BNC2: variants seen among roughly 807,000 people sequenced by gnomAD.
BNC2 encodes the protein basonuclin zinc finger protein 2, also known as zinc finger protein basonuclin-2.
Under a neutral mutation model 76.3 loss-of-function variants are expected in BNC2, and 20 were observed. The ratio of observed to expected loss-of-function variants is 0.26; its 90% CI spans 0.18 to 0.38. The LOEUF is 0.38. Ranked by LOEUF, BNC2 falls within the 10% of genes least tolerant of loss-of-function variation. The pLI is 1.00. For missense variants in BNC2, 1,382 were observed against 1,399.8 expected, an observed-to-expected ratio of 0.99 and a Z score of 0.20; for synonymous variants, 582 against 514.8, an observed-to-expected ratio of 1.13 and a Z score of -1.77.
At chr9:16,659,338 A>C (rs868003807) in intron 3 of BNC2, among the ~76,000 whole-genome samples, 1 of 152,076 alleles carries the variant, frequency 6.6e-6, no homozygotes, top group African/African-American at 2.4e-5. Context: ...TGCGGCGGGC[A>C]CAGTGGCTCA....
At chr9:16,728,433 A>C (rs573183750) in intron 2 of BNC2, among the ~76,000 whole-genome samples, 4 of 152,314 alleles carry the variant, frequency 2.6e-5, no homozygotes, top group Admixed American at 1.3e-4. Flanking sequence ...GGCAAGGGGA[A>C]GCTAGGGCCC....
At chr9:16,510,896 A>G (rs1822739357) in intron 5 of BNC2, among the ~76,000 whole-genome samples, 1 of 152,180 alleles carries the variant, frequency 6.6e-6, no homozygotes, top group South Asian at 2.1e-4. Context: ...TACATGGGCA[A>G]AATATTACAT....
intron 5 of BNC2, among the ~76,000 whole-genome samples, chr9:16,501,622 T>C (rs1278487956): frequency 1.3e-5 from 2 of 152,166 alleles, no homozygotes; most frequent in East Asian, 1.9e-4. Context: ...CTGCATAACA[T>C]AGAGTATTTC....
At chr9:16,809,601 G>C (rs1817996710) in intron 1 of BNC2, among the ~76,000 whole-genome samples, 1 of 151,990 alleles carries the variant, frequency 6.6e-6, no homozygotes, top group Non-Finnish European at 1.5e-5. Context: ...CCTGAACCAA[G>C]ACCGAATGCG....
intron 5 of BNC2, among the ~76,000 whole-genome samples, chr9:16,491,639 G>A (rs189807044): frequency 6.6e-6 from 1 of 152,280 alleles, no homozygotes; most frequent in Non-Finnish European, 1.5e-5. Context: ...CAATGAAAGA[G>A]GATGGAAATT....
At chr9:16,776,968 A>G (rs1825985300) in intron 1 of BNC2, among the ~76,000 whole-genome samples, 1 of 152,040 alleles carries the variant, frequency 6.6e-6, no homozygotes, top group Non-Finnish European at 1.5e-5. Flanking sequence ...TCTACTAAAA[A>G]AACAAAAATT....
chr9:16,411,062 G>C lies in BNC2; in HGVS notation c.*7927C>G, dbSNP rs1387918054. 2 of 152,208 alleles carry C rather than the reference G, an allele frequency of 1.3e-5. No individual in the cohort carries two copies. Among genetic ancestry groups the C allele is most frequent in the African/African-American group, 2.4e-5 (1 of 41,434 alleles). 9.4% of individuals were successfully genotyped at this position (152,208 alleles called of 1,614,324 possible). On this transcript the variant is annotated 3_prime_UTR_variant, in exon 7 of 7. Coordinates refer to ENST00000380672, the MANE Select transcript of BNC2 (RefSeq NM_017637.6). ...TGAGGCTCCCACTGAAACAGTGCCA[G>C]GTCAGTTCACCTTGCAGGGACTGGC... is the stretch of plus-strand genomic sequence containing the variant.
rs71327866 is a variant in BNC2 at position 16,861,181 on chromosome 9, A to AATATATATATATATATATATATATATAT, written c.3+9464_3+9465insATATATATATATATATATATATATATAT. Among the ~76,000 whole-genome samples the AATATATATATATATATATATATATATAT allele has an allele frequency of 1.6e-3, 213 of 131,686 alleles. 6 individuals are homozygous for AATATATATATATATATATATATATATAT. The highest frequency in any genetic ancestry group is 7.8e-3 in the Middle Eastern group (2 of 258). 86.4% of individuals were successfully genotyped at this position (131,686 alleles called of 152,430 possible). A position where few individuals can be genotyped will look rare whatever the true frequency, so the allele number is the denominator to read the frequency against. On this transcript the variant is annotated intron_variant, in intron 1 of 6. Coordinates refer to ENST00000380672, the MANE Select transcript of BNC2 (RefSeq NM_017637.6). ...ACATGGTAATACCCTATCTCTACAA[A>AATATATATATATATATATATATATATAT]ATATATATATATATATATATAAATT...
At chr9:16,485,016 G>C (rs1337577139) in intron 5 of BNC2, among the ~76,000 whole-genome samples, 1 of 152,036 alleles carries the variant, frequency 6.6e-6, no homozygotes, top group East Asian at 1.9e-4. Context: ...TACAAGAAGA[G>C]GACTGCCGTG....
intron 1 of BNC2, among the ~76,000 whole-genome samples, chr9:16,795,167 GC>G (rs1037464034): frequency 4.6e-4 from 70 of 152,262 alleles, no homozygotes; most frequent in African/African-American, 1.6e-3. Flanking sequence ...CAGGAACACT[GC>G]CTGCATCTTT....
intron 1 of BNC2, among the ~76,000 whole-genome samples, chr9:16,823,768 G>A (rs368453982): frequency 6.6e-6 from 1 of 152,220 alleles, no homozygotes; most frequent in African/African-American, 2.4e-5. Flanking sequence ...CCAGAAAGCA[G>A]AACTATGAAA....
At chr9:16,851,963 C>T (rs1293981688) in intron 1 of BNC2, among the ~76,000 whole-genome samples, 1 of 150,714 alleles carries the variant, frequency 6.6e-6, no homozygotes, top group Non-Finnish European at 1.5e-5. Flanking sequence ...TATAGATATA[C>T]ACATTCATGC....
At chr9:16,860,530 T>C (rs1374784126) in intron 1 of BNC2, among the ~76,000 whole-genome samples, 1 of 152,176 alleles carries the variant, frequency 6.6e-6, no homozygotes, top group Non-Finnish European at 1.5e-5. Context: ...TTTACAGAAG[T>C]TAATCCAAAT....
intron 5 of BNC2, among the ~76,000 whole-genome samples, chr9:16,543,808 G>A (rs1443154026): frequency 1.3e-5 from 2 of 152,148 alleles, no homozygotes; most frequent in Non-Finnish European, 2.9e-5. Flanking sequence ...TTAAAACCAA[G>A]GATAATAGTC....
intron 3 of BNC2, among the ~76,000 whole-genome samples, chr9:16,598,584 T>G (rs576299298): frequency 1.2e-3 from 186 of 152,316 alleles, no homozygotes; most frequent in South Asian, 1.0e-3. Flanking sequence ...TTGGATACAC[T>G]AGAAATAAGT....
chr9:16,840,594 T>C (rs982022472), intron 1 of BNC2, among the ~76,000 whole-genome samples: 3 of 152,176 alleles, frequency 2.0e-5, no homozygotes, highest in African/African-American at 4.8e-5. Flanking sequence ...ACAAACACTA[T>C]ACAGTTTTGT....
At chr9:16,851,048 A>T in intron 1 of BNC2, among the ~76,000 whole-genome samples, 1 of 152,172 alleles carries the variant, frequency 6.6e-6, no homozygotes, top group South Asian at 2.1e-4. Context: ...CTATTTTATA[A>T]ATAATAATAC....
Position 16,417,748 on chromosome 9 carries a change from A to G in BNC2, c.*1241T>C, listed in dbSNP as rs1030297062. ...CGTAGCGGGTAATTTGGGCTTTTGT[A>G]TCCTGAAATATTATCCTGCCTCTGA... On this transcript the variant is annotated 3_prime_UTR_variant, in exon 7 of 7. Coordinates refer to ENST00000380672, the MANE Select transcript of BNC2 (RefSeq NM_017637.6). 2.0e-5 allele frequency: 3 copies of G among 152,628 alleles called. No individual in the cohort carries two copies. Among genetic ancestry groups the G allele is most frequent in the Non-Finnish European group, 4.4e-5 (3 of 68,040 alleles). 9.5% of individuals were successfully genotyped at this position (152,628 alleles called of 1,614,324 possible).
intron 1 of BNC2, among the ~76,000 whole-genome samples, chr9:16,806,845 G>C (rs975789855): frequency 1.3e-5 from 2 of 152,286 alleles, no homozygotes; most frequent in East Asian, 3.9e-4. Flanking sequence ...AACTATCCTT[G>C]AATTAAACTG....
Sources: allele counts gnomAD v4.1 joint callset (sites outside exome capture counted in the v4.1 genomes callset), GRCh38; gene constraint gnomAD v4.1.1; transcripts MANE v1.5; gene names NCBI Gene and HGNC (gene_info 2026-07-23, HGNC 2026-07-21).